Variants in NRXN3 observed in about 807,000 individuals in gnomAD.
NRXN3 encodes the protein neurexin 3, also known as neurexin III.
Under a neutral mutation model 137.6 loss-of-function variants are expected in NRXN3, and 32 were observed. The ratio of observed to expected loss-of-function variants is 0.23; its 90% CI spans 0.18 to 0.31. The LOEUF is 0.31. Ranked by LOEUF, NRXN3 falls within the 10% of genes least tolerant of loss-of-function variation. The pLI, the probability that NRXN3 is intolerant of heterozygous loss-of-function variation, is 1.00. For synonymous variants in NRXN3, 798 were observed against 784.5 expected (o/e 1.02, Z -0.29); for missense variants, 1,574 against 2,062.5 (o/e 0.76, Z 4.59).
At chr14:78,970,280 T>C (rs1294618876) in intron 14 of NRXN3, among the ~76,000 whole-genome samples, 2 of 150,464 alleles carry the variant, frequency 1.3e-5, no homozygotes, top group Non-Finnish European at 3.0e-5. Flanking sequence ...AGCTACATTT[T>C]AAAAAGGTAT....
intron 2 of NRXN3, among the ~76,000 whole-genome samples, chr14:78,274,769 G>A (rs147721547): frequency 1.3e-5 from 2 of 152,284 alleles, no homozygotes; most frequent in Non-Finnish European, 2.9e-5. Context: ...GACGGAAGTG[G>A]GTTTCCAATT....
At position 78,254,702 on chromosome 14, in the gene NRXN3, G is replaced by C. The variant is rs530741397; in HGVS notation, c.709+10900G>C. Among the ~76,000 whole-genome samples, 3 of 150,088 alleles carry C rather than the reference G, an allele frequency of 2.0e-5. No homozygotes were observed. In the South Asian group the frequency reaches 6.4e-4, roughly 32 times the overall value. ...CCAAAAAAAAAAAAAAAGATTGGAA[G>C]TTCTGGAATACATTGGAGAAGATGA... is the stretch of plus-strand genomic sequence containing the variant. On this transcript the variant is annotated intron_variant, in intron 2 of 20. Coordinates refer to ENST00000335750, the MANE Select transcript of NRXN3 (RefSeq NM_001330195.2).
intron 4 of NRXN3, among the ~76,000 whole-genome samples, chr14:78,398,743 G>C (rs572069036): frequency 1.3e-5 from 2 of 152,316 alleles, no homozygotes; most frequent in East Asian, 3.9e-4. Context: ...AGGGGATGGG[G>C]AGTGGTGATT....
At position 78,802,683 on chromosome 14, in the gene NRXN3, C is replaced by T. The variant is rs954360260; in HGVS notation, c.2045-937C>T. On this transcript the variant is annotated intron_variant, in intron 8 of 20. Coordinates refer to ENST00000335750, the MANE Select transcript of NRXN3 (RefSeq NM_001330195.2). Reference sequence around the variant, plus strand: ...TTTTCAGCCAGGCGCAGTGGGCTCACGTTTGTAATCCCAGCACTTTGGGAG... The same window carrying T: ...TTTTCAGCCAGGCGCAGTGGGCTCATGTTTGTAATCCCAGCACTTTGGGAG... Among the ~76,000 whole-genome samples the T allele has an allele frequency of 7.0e-4, 106 of 152,242 alleles. 1 individual carries two copies. The highest frequency in any genetic ancestry group is 5.7e-4 in the Non-Finnish European group (39 of 68,010).
chr14:79,042,303 C>T (rs766191114), intron 15 of NRXN3, among the ~76,000 whole-genome samples: 33 of 152,142 alleles, frequency 2.2e-4, no homozygotes, highest in African/African-American at 2.7e-4. Flanking sequence ...GCAGTAAACA[C>T]GTTAAGCAAG....
chr14:78,886,583 A>G (rs1009435994), intron 10 of NRXN3, among the ~76,000 whole-genome samples: 9 of 152,138 alleles, frequency 5.9e-5, no homozygotes, highest in Non-Finnish European at 1.2e-4. Context: ...AATCAAAGAC[A>G]TATTTAACCT....
chr14:79,196,137 C>CTA (rs1312865797), intron 15 of NRXN3, among the ~76,000 whole-genome samples: 1 of 152,178 alleles, frequency 6.6e-6, no homozygotes, highest in Non-Finnish European at 1.5e-5. Context: ...ATTTCACTGT[C>CTA]TATAGAGGCT....
chr14:79,831,782 C>T (rs928774029), intron 20 of NRXN3, among the ~76,000 whole-genome samples: 2 of 152,116 alleles, frequency 1.3e-5, no homozygotes, highest in African/African-American at 2.4e-5. Flanking sequence ...TTGCATTAAG[C>T]ACTTTACCGT....
chr14:78,609,777 A>G (rs574654274), intron 4 of NRXN3, among the ~76,000 whole-genome samples: 1 of 152,318 alleles, frequency 6.6e-6, no homozygotes, highest in East Asian at 1.9e-4. Context: ...AAAGCCAGCA[A>G]AAGTATGCTT....
chr14:79,470,945 AGAGAGAGTGTGTGTGTGT>A (rs1567214475), intron 16 of NRXN3, among the ~76,000 whole-genome samples: 6 of 59,314 alleles, frequency 1.0e-4, no homozygotes, highest in African/African-American at 3.4e-4. Context: ...AGAGAAAGAG[AGAGAGAGTGTGTGTGTGT>A]GTGTGTGTGT....
chr14:79,366,760 A>C (rs1435489187), intron 15 of NRXN3, among the ~76,000 whole-genome samples: 1 of 152,194 alleles, frequency 6.6e-6, no homozygotes, highest in East Asian at 1.9e-4. Flanking sequence ...GAAAGAAAGC[A>C]TGTGTGTGGC....
intron 1 of NRXN3, among the ~76,000 whole-genome samples, chr14:78,176,567 G>A (rs1441550892): frequency 6.6e-6 from 1 of 152,050 alleles, no homozygotes; most frequent in Non-Finnish European, 1.5e-5. Context: ...TAGTGTTAGA[G>A]GAAAAAGGGA....
intron 4 of NRXN3, among the ~76,000 whole-genome samples, chr14:78,415,961 G>T (rs113520762): frequency 3.9e-5 from 6 of 152,048 alleles, no homozygotes; most frequent in African/African-American, 1.2e-4. Flanking sequence ...ATCTCCATCT[G>T]CTGTACTCTG....
At chr14:78,341,475 G>A (rs1285294222) in intron 4 of NRXN3, among the ~76,000 whole-genome samples, 1 of 152,278 alleles carries the variant, frequency 6.6e-6, no homozygotes, top group South Asian at 2.1e-4. Flanking sequence ...TACTCAGCTG[G>A]TGTTTTATCA....
intron 15 of NRXN3, among the ~76,000 whole-genome samples, chr14:79,436,751 C>T (rs538588334): frequency 6.6e-6 from 1 of 152,226 alleles, no homozygotes; most frequent in African/African-American, 2.4e-5. Flanking sequence ...ACAGTGAGGA[C>T]TGCAGGTACC....
intron 19 of NRXN3, among the ~76,000 whole-genome samples, chr14:79,790,653 CT>C (rs1231681449): frequency 1.5e-4 from 20 of 134,662 alleles, no homozygotes; most frequent in Admixed American, 4.1e-4. Flanking sequence ...CAGAGTCTCG[CT>C]CTGTCACCTA....
chr14:78,210,617 A>G (rs1214859877), intron 1 of NRXN3, among the ~76,000 whole-genome samples: 2 of 151,882 alleles, frequency 1.3e-5, no homozygotes, highest in Non-Finnish European at 2.9e-5. Flanking sequence ...CGTAGTCAAG[A>G]TAGAGAACAT....
chr14:78,305,195 T>A (rs2077243307), intron 4 of NRXN3, among the ~76,000 whole-genome samples: 1 of 151,768 alleles, frequency 6.6e-6, no homozygotes, highest in African/African-American at 2.4e-5. Context: ...TTTTGTAGAG[T>A]GGTGTGGGAA....
intron 10 of NRXN3, among the ~76,000 whole-genome samples, chr14:78,893,179 C>A (rs971985651): frequency 4.6e-5 from 7 of 151,920 alleles, no homozygotes; most frequent in Non-Finnish European, 2.9e-5. Flanking sequence ...CTATCCACAC[C>A]CTGCGCAAGC....
Sources: gnomAD v4.1 joint callset for allele counts (sites outside exome capture counted in the v4.1 genomes callset) on GRCh38, gnomAD v4.1.1 for gene constraint, MANE v1.5 for transcripts, NCBI Gene and HGNC (gene_info 2026-07-23, HGNC 2026-07-21) for gene names.